CKAP5: variants seen among roughly 807,000 people sequenced by gnomAD.
CKAP5 encodes the protein cytoskeleton-associated protein 5.
Under a neutral mutation model 232.8 loss-of-function variants are expected in CKAP5, and 27 were observed. That is an observed-to-expected ratio of 0.12 (90% CI 0.09 to 0.16). The LOEUF (loss-of-function observed/expected upper bound fraction) is 0.16, where lower values mean the gene tolerates loss of function less well. CKAP5 is among the 10% of genes least tolerant of loss of function. The probability of loss-of-function intolerance (pLI) is 1.00; values close to 1 mark genes in which losing one functional copy is unlikely to be tolerated. For missense variants in CKAP5, 1,838 were observed against 2,424.7 expected (o/e 0.76, Z 5.08); for synonymous variants, 785 against 841.1 (o/e 0.93, Z 1.16).
rs368026707 is a variant in CKAP5, at chr11:46,776,362, G to C, written c.2884C>G (p.Leu962Val). 5.6e-6 allele frequency: 9 copies of C among 1,612,390 alleles called. No individual in the cohort carries two copies. The African/African-American group carries it at 6.7e-5, about 12-fold the overall frequency. The change falls in exon 24 of 44, where the codon CTA (leucine) becomes GTA (valine). Residue 962 changes from leucine to valine, a missense_variant. This residue lies in a region of CKAP5 where 767 missense variants were observed against 954.6 expected (regional missense o/e 0.80). Transcript: ENST00000529230. ...DSKNNVRAAA[L>V]ATVNAWAEQT... ...TCTGCCCAAGCATTCACAGTCGCTA[G>C]GGCAGCAGCTCGAACATTGTTCTAA...
In CKAP5 at chr11:46,762,723, C is replaced by T. The variant is rs752800113; in HGVS notation, c.3931G>A (p.Ala1311Thr). The stretch of plus-strand genomic sequence containing the variant: ...ACAAGGCACATCCGGTTCAGGATGG[C>T]ACGAACATCTTTACGAATGACATCC... ...PKDVIRKDVR[A>T]ILNRMCLVYP... Residue 1311 changes from alanine (A) to threonine (T), a missense_variant, in exon 31 of 44, where the codon GCC becomes ACC. Physicochemically the swap from Ala to Thr is moderately conservative, Grantham distance 58. This residue lies in a region of CKAP5 where 579 missense variants were observed against 843.2 expected (regional missense o/e 0.69). Coordinates refer to ENST00000529230, the MANE Select transcript of CKAP5 (RefSeq NM_001008938.4). The T allele has an allele frequency of 6.2e-7, 1 of 1,613,906 alleles. No homozygotes were observed. Among genetic ancestry groups the T allele is most frequent in the Non-Finnish European group, 8.5e-7 (1 of 1,179,844 alleles).
intron 9 of CKAP5, among the ~76,000 whole-genome samples, chr11:46,800,298 CTTCAG>C (rs1157436817): frequency 6.6e-6 from 1 of 151,968 alleles, no homozygotes; most frequent in Admixed American, 6.6e-5. Context: ...TCTTCTTTTT[CTTCAG>C]TTAAGTTCTC....
intron 4 of CKAP5, among the ~76,000 whole-genome samples, chr11:46,812,246 G>A (rs748056846): frequency 3.3e-5 from 5 of 151,952 alleles, no homozygotes; most frequent in Admixed American, 6.6e-5. Flanking sequence ...TGGAAGAATC[G>A]CTTGAACCCG....
chr11:46,753,586 T>A, intron 36 of CKAP5, 89 bp from the exon 37 acceptor site: 1 of 1,019,458 alleles, frequency 9.8e-7, no homozygotes, highest in Non-Finnish European at 1.4e-6. Flanking sequence ...AATATTCAAT[T>A]ATGTTGTATT....
chr11:46,827,773 A>C (rs1015100099), intron 1 of CKAP5, among the ~76,000 whole-genome samples: 5 of 152,246 alleles, frequency 3.3e-5, no homozygotes, highest in Non-Finnish European at 7.3e-5. Flanking sequence ...CATCTAATTT[A>C]ATATGAAGAG....
intron 1 of CKAP5, among the ~76,000 whole-genome samples, chr11:46,834,936 G>C (rs912273588): frequency 2.6e-5 from 4 of 151,336 alleles, no homozygotes; most frequent in African/African-American, 9.7e-5. Flanking sequence ...CTCCCAAGTA[G>C]CTGGGCCACA....
intron 26 of CKAP5, among the ~76,000 whole-genome samples, chr11:46,769,312 CT>C (rs2134603719): frequency 6.6e-6 from 1 of 152,302 alleles, no homozygotes; most frequent in South Asian, 2.1e-4. Flanking sequence ...CCCAATTCCT[CT>C]TCTAATTATA....
intron 9 of CKAP5, among the ~76,000 whole-genome samples, chr11:46,798,776 A>ATG (rs1357972737): frequency 6.6e-6 from 1 of 152,184 alleles, no homozygotes; most frequent in African/African-American, 2.4e-5. Flanking sequence ...GATAGTGCTG[A>ATG]TGGTTATGTA....
chr11:46,773,702 C>A (rs1372794452), intron 24 of CKAP5, among the ~76,000 whole-genome samples: 1 of 151,900 alleles, frequency 6.6e-6, no homozygotes. Flanking sequence ...ACCACCACAC[C>A]CAGCTAATTT....
At chr11:46,811,379 G>A (rs771136143) in intron 4 of CKAP5, among the ~76,000 whole-genome samples, 7 of 152,114 alleles carry the variant, frequency 4.6e-5, no homozygotes, top group African/African-American at 7.2e-5. Flanking sequence ...ATTATTTAAT[G>A]TGTAGGGCCC....
At chr11:46,810,872 T>C in intron 5 of CKAP5, 135 bp downstream of exon 5, 1 of 749,138 alleles carries the variant, frequency 1.3e-6, no homozygotes, top group Non-Finnish European at 2.0e-6. Context: ...GAAAGTTAGC[T>C]ATGCTCAGAA....
At chr11:46,744,837 T>A (rs1450988561) in intron 42 of CKAP5, among the ~76,000 whole-genome samples, 1 of 152,126 alleles carries the variant, frequency 6.6e-6, no homozygotes, top group Non-Finnish European at 1.5e-5. Flanking sequence ...ATGCAGGGGA[T>A]TGTACTCCAG....
Position 46,818,330 on chromosome 11 carries a change from T to G in CKAP5, c.231A>C (p.Glu77Asp). ...KGLEAALVYV[E>D]NAHVAGKTTG... ...CTTACTTTCCTGCTACATGGGCATTTTCAACATAAACAAGTGCAGCTTCTA... is the reference window on the plus strand; with the variant it reads ...CTTACTTTCCTGCTACATGGGCATTGTCAACATAAACAAGTGCAGCTTCTA... Residue 77 changes from glutamate (E) to aspartate (D), a missense_variant, in exon 3 of 44, where the codon GAA becomes GAC. Transcript: ENST00000529230. The G allele has an allele frequency of 1.3e-6, 2 of 1,589,792 alleles. No individual in the cohort carries two copies. Among genetic ancestry groups the G allele is most frequent in the Non-Finnish European group, 1.7e-6 (2 of 1,171,548 alleles).
intron 1 of CKAP5, among the ~76,000 whole-genome samples, chr11:46,838,336 C>T (rs1939963144): frequency 6.6e-6 from 1 of 151,972 alleles, no homozygotes; most frequent in South Asian, 2.1e-4. Flanking sequence ...ATACTGCTTA[C>T]ACCCAAAAAC....
intron 38 of CKAP5, 85 bp from the exon 39 acceptor site, chr11:46,751,619 C>T (rs750668887): frequency 8.5e-7 from 1 of 1,180,778 alleles, no homozygotes; most frequent in Non-Finnish European, 1.2e-6. Context: ...GCTTTGAGCT[C>T]ACTTCTAAAA....
intron 16 of CKAP5, among the ~76,000 whole-genome samples, chr11:46,787,949 T>C (rs577401421): frequency 2.7e-4 from 41 of 152,348 alleles, no homozygotes; most frequent in Admixed American, 2.2e-3. Context: ...ATGATGGGAA[T>C]TGAAGACCTT....
At chr11:46,768,653 CT>C (rs2065224008) in intron 26 of CKAP5, among the ~76,000 whole-genome samples, 1 of 150,794 alleles carries the variant, frequency 6.6e-6, no homozygotes, top group Non-Finnish European at 1.5e-5. Context: ...GCGATCGTGG[CT>C]CATTGAAGCC....
intron 37 of CKAP5, 145 bp downstream of exon 37, chr11:46,753,164 TG>T: frequency 1.7e-6 from 1 of 596,628 alleles, no homozygotes; most frequent in Non-Finnish European, 2.9e-6. Context: ...TAGTTATAAC[TG>T]ATGTAGCTAT....
intron 8 of CKAP5, among the ~76,000 whole-genome samples, chr11:46,801,577 G>A (rs1162729547): frequency 6.6e-6 from 1 of 152,102 alleles, no homozygotes; most frequent in African/African-American, 2.4e-5. Context: ...GGCTGAGGCA[G>A]GAGAATCACT....
Sources: allele counts gnomAD v4.1 joint callset (sites outside exome capture counted in the v4.1 genomes callset), GRCh38; gene constraint gnomAD v4.1.1; regional missense constraint gnomAD v4.1.1; transcripts MANE v1.5; gene names NCBI Gene and HGNC (gene_info 2026-07-23, HGNC 2026-07-21).